The following ZNF875 variants were observed in gnomAD, a reference collection of about 807,000 sequenced individuals.
ZNF875 encodes zinc finger protein 875.
Under a neutral mutation model 11.2 loss-of-function variants are expected in ZNF875, and 14 were observed. The observed-to-expected ratio is 1.26, with a 90% CI of 0.83 to 1.96. The LOEUF (loss-of-function observed/expected upper bound fraction) is 1.96. Among genes scored for constraint, ZNF875 ranks in the 30% most tolerant of loss-of-function variants. The probability of loss-of-function intolerance (pLI) is 0.00; values close to 1 mark genes in which losing one functional copy is unlikely to be tolerated. For missense variants in ZNF875, 752 were observed against 760.4 expected (o/e 0.99, Z 0.13); for synonymous variants, 301 against 281.1 (o/e 1.07, Z -0.71).
At chr19:37,331,241 T>G (rs1461265671), upstream of ZNF875, among the ~76,000 whole-genome samples, 1 of 148,316 alleles carries the variant, frequency 6.7e-6, no homozygotes, top group Non-Finnish European at 1.5e-5. Flanking sequence ...CTTTTTTTTT[T>G]TTTTTTTTTG....
chr19:37,327,490 A>G (rs2032674282), intron 4 of ZNF875, among the ~76,000 whole-genome samples: 1 of 151,972 alleles, frequency 6.6e-6, no homozygotes, highest in Non-Finnish European at 1.5e-5. Context: ...ATTCAGGGGC[A>G]GGCATAGTGG....
At chr19:37,343,437 G>A (rs1057048856) in intron 2 of ZNF875, among the ~76,000 whole-genome samples, 55 of 151,998 alleles carry the variant, frequency 3.6e-4, no homozygotes, top group African/African-American at 1.2e-3. Context: ...AATCCTGTGG[G>A]TCAGCAAGTA....
rs78977361 is a variant in ZNF875 at position 37,361,034 on chromosome 19, A to G, written c.257-1075A>G. On this transcript the variant is annotated intron_variant, in intron 4 of 4. Coordinates refer to ENST00000392153, the MANE Select transcript of ZNF875 (RefSeq NM_001353803.2). The stretch of plus-strand genomic sequence containing the variant: ...TACAAAATTATATAATCTGTGAACA[A>G]GAGATTTTTTTTACTTCTTCCTTTC... Among the ~76,000 whole-genome samples the G allele has an allele frequency of 6.3e-4, 96 of 151,654 alleles. No individual in the cohort carries two copies. The East Asian group carries it at 0.017, about 27-fold the overall frequency.
At chr19:37,321,237 G>T (rs937634008) in intron 1 of ZNF875, among the ~76,000 whole-genome samples, 1 of 152,156 alleles carries the variant, frequency 6.6e-6, no homozygotes, top group African/African-American at 2.4e-5. Flanking sequence ...ATTAGTAAAA[G>T]AGGAGGGCCT....
upstream of ZNF875, among the ~76,000 whole-genome samples, chr19:37,333,624 C>A (rs1488275314): frequency 1.3e-5 from 2 of 151,834 alleles, no homozygotes; most frequent in Admixed American, 1.3e-4. Flanking sequence ...GGGATGGTTA[C>A]GAGGAAATTG....
intron 4 of ZNF875, among the ~76,000 whole-genome samples, chr19:37,325,834 A>G (rs79485754): frequency 0.024 from 3,692 of 152,222 alleles, 143 homozygotes; most frequent in African/African-American, 0.084. Context: ...CAGCCTCCCA[A>G]GTAGCTGGGA....
At chr19:37,343,209 C>A (rs1031791256) in intron 2 of ZNF875, among the ~76,000 whole-genome samples, 1 of 151,998 alleles carries the variant, frequency 6.6e-6, no homozygotes, top group Non-Finnish European at 1.5e-5. Flanking sequence ...TGGTGGTACA[C>A]ACCTGTAGTC....
intron 2 of ZNF875, chr19:37,344,717 C>G: frequency 1.2e-6 from 2 of 1,613,644 alleles, no homozygotes; most frequent in South Asian, 1.1e-5. Context: ...CTACAATGCT[C>G]CCTACATGCA....
chr19:37,349,828 T>A (rs897797228), intron 4 of ZNF875, among the ~76,000 whole-genome samples: 1 of 151,982 alleles, frequency 6.6e-6, no homozygotes, highest in Admixed American at 6.6e-5. Flanking sequence ...CTGGTTTTTG[T>A]ATTTTTAGTA....
upstream of ZNF875, among the ~76,000 whole-genome samples, chr19:37,313,744 TTGTGTGTG>T (rs61062343): frequency 3.3e-5 from 5 of 150,098 alleles, no homozygotes; most frequent in South Asian, 2.1e-4. Context: ...TACACATCCA[TTGTGTGTG>T]TGTGTGTGTG....
At chr19:37,344,523 A>G (rs2036390625) in intron 2 of ZNF875, 1 of 625,544 alleles carries the variant, frequency 1.6e-6, no homozygotes, top group Admixed American at 2.7e-5. Context: ...CCATCTTACA[A>G]ATGACGAAGT....
chr19:37,322,263 T>C (rs1477308659), intron 2 of ZNF875: 3 of 152,260 alleles, frequency 2.0e-5, no homozygotes, highest in Non-Finnish European at 4.4e-5. Flanking sequence ...TATTTTGGAC[T>C]CATTTTGTAG....
upstream of ZNF875, among the ~76,000 whole-genome samples, chr19:37,331,520 AC>A (rs1455112536): frequency 6.7e-6 from 1 of 149,460 alleles, no homozygotes; most frequent in Non-Finnish European, 1.5e-5. Context: ...CTATAACCTT[AC>A]CCCCAACCCC....
At chr19:37,328,944 A>C (rs1476071266) in intron 4 of ZNF875, 1 of 152,224 alleles carries the variant, frequency 6.6e-6, no homozygotes, top group Non-Finnish European at 1.5e-5. Flanking sequence ...TCCTTGGACC[A>C]ATAGTATCAG....
intron 2 of ZNF875, 54 bp downstream of exon 2, chr19:37,335,311 C>T: frequency 1.5e-6 from 1 of 669,012 alleles, no homozygotes; most frequent in South Asian, 1.5e-5. Context: ...GTCCCATTAC[C>T]TTTTCTTGTC....
At chr19:37,319,370 A>ATATATATATATATATATATAT (rs1467903581) in intron 1 of ZNF875, among the ~76,000 whole-genome samples, 1 of 77,134 alleles carries the variant, frequency 1.3e-5, no homozygotes, top group African/African-American at 7.9e-5. Context: ...TATATATATA[A>ATATATATATATATATATATAT]TAAAAATGGT....
chr19:37,358,711 A>T (rs2039385445), intron 4 of ZNF875: 1 of 150,110 alleles, frequency 6.7e-6, no homozygotes. Context: ...TAGAGACAGG[A>T]TTTCACCATC....
At chr19:37,322,619 A>G (rs376183338) in intron 2 of ZNF875, among the ~76,000 whole-genome samples, 4 of 152,132 alleles carry the variant, frequency 2.6e-5, no homozygotes, top group African/African-American at 7.2e-5. Context: ...TTCATCATGA[A>G]ATGGTGACAC....
intron 4 of ZNF875, chr19:37,324,933 C>T (rs1298950006): frequency 6.6e-6 from 1 of 152,288 alleles, no homozygotes; most frequent in East Asian, 1.9e-4. Flanking sequence ...TGCTACCACA[C>T]CTGGTTAATT....
Sources: gnomAD v4.1 joint callset for allele counts (sites outside exome capture counted in the v4.1 genomes callset) on GRCh38, gnomAD v4.1.1 for gene constraint, MANE v1.5 for transcripts, NCBI Gene and HGNC (gene_info 2026-07-23, HGNC 2026-07-21) for gene names.